The following SSBP2 variants were observed in gnomAD, a reference collection of about 807,000 sequenced individuals.
The protein encoded by SSBP2 is single stranded DNA binding protein 2.
SSBP2 carries 17 observed loss-of-function variants against 61.8 expected under a neutral mutation model. The ratio of observed to expected loss-of-function variants is 0.28; its 90% CI spans 0.19 to 0.41. The LOEUF is 0.41. Ranked by LOEUF, SSBP2 falls within the 10% of genes least tolerant of loss-of-function variation. SSBP2 has a pLI of 1.00. For synonymous variants in SSBP2, 139 were observed against 141.3 expected, an observed-to-expected ratio of 0.98 and a Z score of 0.12; for missense variants, 310 against 458.7, an observed-to-expected ratio of 0.68 and a Z score of 2.96.
intron 8 of SSBP2, among the ~76,000 whole-genome samples, chr5:81,471,546 TA>T (rs1302476812): frequency 6.6e-6 from 1 of 151,946 alleles, no homozygotes; most frequent in African/African-American, 2.4e-5. Context: ...TATTAAAGAC[TA>T]AAAGTATACT....
chr5:81,564,894 C>G (rs1021237477), intron 4 of SSBP2, among the ~76,000 whole-genome samples: 4 of 152,216 alleles, frequency 2.6e-5, no homozygotes, highest in East Asian at 1.9e-4. Flanking sequence ...CGCTTGCCAG[C>G]TGCTGCCAAA....
At chr5:81,721,472 C>A (rs971817837) in intron 1 of SSBP2, among the ~76,000 whole-genome samples, 2 of 151,970 alleles carry the variant, frequency 1.3e-5, no homozygotes, top group African/African-American at 4.8e-5. Flanking sequence ...AACCAAAAAC[C>A]GACTAAGGTT....
rs574526191 is a variant in SSBP2, at chr5:81,677,094, G to A, written c.63-26755C>T. On this transcript the variant is annotated intron_variant, in intron 1 of 16. Coordinates refer to ENST00000320672, the MANE Select transcript of SSBP2 (RefSeq NM_012446.5). ...CTTTAGTCTCAGAATAATAATATTC[G>A]TTTAAGGCCTACTCTCCTTTTCCCC... Among the ~76,000 whole-genome samples the A allele has an allele frequency of 3.3e-5, 5 of 152,096 alleles. No individual in the cohort carries two copies. In the South Asian group the frequency reaches 6.2e-4, roughly 19 times the overall value.
In SSBP2 at chr5:81,657,048, G is replaced by A. The variant is rs539269136; in HGVS notation, c.63-6709C>T. On this transcript the variant is annotated intron_variant, in intron 1 of 16. Coordinates refer to ENST00000320672, the MANE Select transcript of SSBP2 (RefSeq NM_012446.5). Reference sequence around the variant, plus strand: ...TTGAGTTCAAACAGTATCTTTTATTGCAGGCCTTTTTTCCTAGAGACTGGG... The same window carrying A: ...TTGAGTTCAAACAGTATCTTTTATTACAGGCCTTTTTTCCTAGAGACTGGG... Among the ~76,000 whole-genome samples, 22 of 152,170 alleles carry A rather than the reference G, an allele frequency of 1.4e-4. No homozygotes were observed. In the East Asian group the frequency reaches 4.2e-3, roughly 29 times the overall value.
Position 81,413,146 on chromosome 5 carries a change from A to T in SSBP2, c.*7358T>A, listed in dbSNP as rs1040591761. ...TATATGAAAAGCTGTATTTTAAAAA[A>T]TTAAATGTGAAAACGTGCCAAATTA... On this transcript the variant is annotated 3_prime_UTR_variant, in exon 17 of 17. Transcript: ENST00000320672. The T allele has an allele frequency of 6.6e-6, 1 of 152,252 alleles. No homozygotes were observed. Among genetic ancestry groups the T allele is most frequent in the African/African-American group, 2.4e-5 (1 of 41,482 alleles). The allele number at this position is 152,252 out of a possible 1,614,324, so 9.4% of individuals were successfully genotyped here.
At chr5:81,597,661 T>C (rs1276285972) in intron 4 of SSBP2, among the ~76,000 whole-genome samples, 1 of 152,022 alleles carries the variant, frequency 6.6e-6, no homozygotes, top group Non-Finnish European at 1.5e-5. Flanking sequence ...ACATACACCA[T>C]GGAATACTAT....
intron 6 of SSBP2, among the ~76,000 whole-genome samples, chr5:81,485,928 C>T (rs1445473564): frequency 6.6e-6 from 1 of 152,152 alleles, no homozygotes; most frequent in Non-Finnish European, 1.5e-5. Context: ...AAAGTTCATG[C>T]TCCTAACTAG....
rs139781019 is a variant in SSBP2, at chr5:81,743,282, T to C, written c.62+7699A>G. Among the ~76,000 whole-genome samples the C allele has an allele frequency of 1.4e-4, 21 of 152,298 alleles. No homozygotes were observed. In the East Asian group the frequency reaches 4.1e-3, roughly 29 times the overall value. On this transcript the variant is annotated intron_variant, in intron 1 of 16. Coordinates refer to ENST00000320672, the MANE Select transcript of SSBP2 (RefSeq NM_012446.5). ...TATGTTGATGCTAAGGTTTCCTCAATAGTAGCTTAGACATGCCTGAAATAC... is the reference window on the plus strand; with the variant it reads ...TATGTTGATGCTAAGGTTTCCTCAACAGTAGCTTAGACATGCCTGAAATAC...
intron 2 of SSBP2, among the ~76,000 whole-genome samples, chr5:81,642,056 C>T (rs911570278): frequency 2.0e-5 from 3 of 152,192 alleles, no homozygotes; most frequent in East Asian, 1.9e-4. Context: ...TTATATTCTA[C>T]GTAGTTTAAT....
chr5:81,655,932 G>A (rs1750167864), intron 1 of SSBP2, among the ~76,000 whole-genome samples: 1 of 152,166 alleles, frequency 6.6e-6, no homozygotes, highest in East Asian at 1.9e-4. Context: ...CAGGTCTTCA[G>A]TTTAATCTTC....
At chr5:81,537,516 T>C (rs190229310) in intron 4 of SSBP2, among the ~76,000 whole-genome samples, 128 of 152,268 alleles carry the variant, frequency 8.4e-4, no homozygotes, top group Non-Finnish European at 2.2e-4. Context: ...TTCACAGATA[T>C]TGTGGTTGTT....
intron 4 of SSBP2, among the ~76,000 whole-genome samples, chr5:81,571,885 C>T (rs1042909105): frequency 3.3e-5 from 5 of 152,010 alleles, no homozygotes; most frequent in Non-Finnish European, 7.4e-5. Context: ...AATAAGTGGG[C>T]CTAGTTTTTA....
intron 10 of SSBP2, among the ~76,000 whole-genome samples, chr5:81,460,181 A>G (rs1265833294): frequency 6.6e-6 from 1 of 152,208 alleles, no homozygotes; most frequent in Non-Finnish European, 1.5e-5. Flanking sequence ...ACTGCTAGCC[A>G]ATGAAGATAC....
At chr5:81,620,411 C>T (rs1007551535) in intron 3 of SSBP2, among the ~76,000 whole-genome samples, 18 of 151,676 alleles carry the variant, frequency 1.2e-4, no homozygotes, top group African/African-American at 4.1e-4. Context: ...TGTGAAGGAC[C>T]TCTTCAAGGA....
At chr5:81,695,709 T>C (rs1753553041) in intron 1 of SSBP2, among the ~76,000 whole-genome samples, 2 of 152,132 alleles carry the variant, frequency 1.3e-5, no homozygotes, top group Admixed American at 1.3e-4. Context: ...TTGCTTGTAA[T>C]CCGTAAGTAA....
chr5:81,510,539 G>A (rs1390738179), intron 5 of SSBP2, among the ~76,000 whole-genome samples: 1 of 152,140 alleles, frequency 6.6e-6, no homozygotes, highest in Non-Finnish European at 1.5e-5. Context: ...AAGGCGGGCA[G>A]ATAATGAAGT....
intron 4 of SSBP2, among the ~76,000 whole-genome samples, chr5:81,608,895 T>C (rs879636357): frequency 9.9e-5 from 15 of 152,088 alleles, no homozygotes; most frequent in African/African-American, 3.1e-4. Flanking sequence ...AGGCAATGAT[T>C]TGGAAGTTTT....
intron 5 of SSBP2, among the ~76,000 whole-genome samples, chr5:81,503,781 C>G (rs1283406694): frequency 6.6e-6 from 1 of 152,052 alleles, no homozygotes; most frequent in East Asian, 1.9e-4. Context: ...ACATATATAC[C>G]ATGAAATACT....
At chr5:81,718,225 G>A (rs1475418469) in intron 1 of SSBP2, among the ~76,000 whole-genome samples, 3 of 152,164 alleles carry the variant, frequency 2.0e-5, no homozygotes, top group African/African-American at 2.4e-5. Flanking sequence ...TAAGAAGGAG[G>A]ATGGAAGAGG....
Sources: gnomAD v4.1 joint callset for allele counts (sites outside exome capture counted in the v4.1 genomes callset) on GRCh38, gnomAD v4.1.1 for gene constraint, MANE v1.5 for transcripts, NCBI Gene and HGNC (gene_info 2026-07-23, HGNC 2026-07-21) for gene names.